AMPD3: variants seen among roughly 807,000 people sequenced by gnomAD.
AMPD3 encodes the protein adenosine monophosphate deaminase 3.
AMPD3 carries 57 observed loss-of-function variants against 82.3 expected under a neutral mutation model. That is an observed-to-expected ratio of 0.69 (90% CI 0.56 to 0.86). The LOEUF is 0.86. Among genes scored for constraint, AMPD3 ranks in the 40% least tolerant of loss-of-function variants. The pLI is 0.00. For synonymous variants in AMPD3, 381 were observed against 394.7 expected (o/e 0.97, Z 0.41); for missense variants, 870 against 1,003.8 (o/e 0.87, Z 1.80).
chr11:10,461,853 T>C (rs1464677921), intron 2 of AMPD3, 113 bp downstream of exon 2: 6 of 1,043,396 alleles, frequency 5.8e-6, no homozygotes, highest in African/African-American at 1.6e-5. Context: ...TCCCTAGAGC[T>C]GTGTTGGTTC....
chr11:10,479,402 G>T (rs1340071186), intron 3 of AMPD3, among the ~76,000 whole-genome samples: 2 of 152,150 alleles, frequency 1.3e-5, no homozygotes, highest in Admixed American at 6.5e-5. Flanking sequence ...GCCTCAGTTG[G>T]CTTCATTAGT....
Position 10,482,184 on chromosome 11 carries a change from A to G in AMPD3, c.548A>G (p.His183Arg). ...FPRITSQYLG[H>R]PRADTAPPEE... is the part of the protein sequence containing the mutation. ...CGGATCACATCCCAGTACCTGGGTC[A>G]TCCGCGGGCGGATACTGCACCTCCG... Residue 183 changes from histidine to arginine, a missense_variant, in exon 4 of 15, where the codon CAT (histidine) becomes CGT (arginine). Physicochemically the swap from His to Arg is conservative, Grantham distance 29. Coordinates refer to ENST00000396553, the MANE Select transcript of AMPD3 (RefSeq NM_001025389.2). The G allele has an allele frequency of 1.9e-6, 3 of 1,613,562 alleles. No homozygotes were observed. The highest frequency in any genetic ancestry group is 2.5e-6 in the Non-Finnish European group (3 of 1,179,962).
At chr11:10,479,121 T>C (rs1429833298) in intron 3 of AMPD3, among the ~76,000 whole-genome samples, 1 of 152,118 alleles carries the variant, frequency 6.6e-6, no homozygotes, top group Admixed American at 6.5e-5. Context: ...TGTGTGAAAT[T>C]AGTTGTTGCT....
At chr11:10,461,261 C>T in intron 1 of AMPD3, 1 of 1,398,058 alleles carries the variant, frequency 7.2e-7, no homozygotes, top group Admixed American at 2.3e-5. Context: ...GGAAGCCCAC[C>T]TAGTTGAACA....
chr11:10,483,427 A>C (rs1174955593), intron 4 of AMPD3, among the ~76,000 whole-genome samples: 1 of 152,176 alleles, frequency 6.6e-6, no homozygotes, highest in African/African-American at 2.4e-5. Flanking sequence ...TACTTTGAGC[A>C]TCTGGGGCCC....
chr11:10,470,545 T>C (rs1258462409), intron 2 of AMPD3, among the ~76,000 whole-genome samples: 2 of 152,194 alleles, frequency 1.3e-5, no homozygotes, highest in Non-Finnish European at 2.9e-5. Flanking sequence ...GTGGATGACA[T>C]GATTGTATAT....
At chr11:10,451,408 T>C (rs765981507), upstream of AMPD3, among the ~76,000 whole-genome samples, 12 of 152,354 alleles carry the variant, frequency 7.9e-5, no homozygotes, top group Non-Finnish European at 1.5e-4. Flanking sequence ...GAGGTGGACT[T>C]CTACCTGGAG....
chr11:10,461,489 A>G (rs746879134), intron 1 of AMPD3, 26 bp from the exon 2 acceptor site: 2 of 1,613,924 alleles, frequency 1.2e-6, no homozygotes, highest in Admixed American at 1.7e-5. Flanking sequence ...GCATCCTGCA[A>G]TTCATGCTTG....
chr11:10,497,625 G>C, intron 10 of AMPD3: 1 of 985,414 alleles, frequency 1.0e-6, no homozygotes, highest in Non-Finnish European at 1.2e-6. Context: ...TGTGTGCCCA[G>C]AAAGTGACTG....
intron 2 of AMPD3, among the ~76,000 whole-genome samples, chr11:10,462,934 G>A (rs547550337): frequency 6.6e-6 from 1 of 152,322 alleles, no homozygotes; most frequent in Admixed American, 6.5e-5. Flanking sequence ...AAAGGAAGAA[G>A]TGCTGTGACC....
At chr11:10,455,961 G>A in intron 1 of AMPD3, 1 of 985,430 alleles carries the variant, frequency 1.0e-6, no homozygotes, top group Non-Finnish European at 1.2e-6. Context: ...TCAGCTTTCA[G>A]GAGGAGGCTG....
chr11:10,452,171 GT>G (rs534626285), upstream of AMPD3, among the ~76,000 whole-genome samples: 1,310 of 148,606 alleles, frequency 8.8e-3, 11 homozygotes, highest in Non-Finnish European at 0.01. Flanking sequence ...GAGAGATGAG[GT>G]TTTTTGTAGT....
intron 1 of AMPD3, among the ~76,000 whole-genome samples, chr11:10,459,210 C>T (rs1010100468): frequency 6.6e-6 from 1 of 152,172 alleles, no homozygotes; most frequent in Non-Finnish European, 1.5e-5. Context: ...CCACTCCTCT[C>T]ATCAGGGAGT....
chr11:10,501,026 A>G lies in AMPD3; in HGVS notation c.1722-444A>G, dbSNP rs1170278596. ...GCAGTCCTGGGCTGAGCTTTTGGAG[A>G]TGGGGGCTCTGGTTCTGGCTTTGCT... is the stretch of plus-strand genomic sequence containing the variant. On this transcript the variant is annotated intron_variant, in intron 11 of 14. Transcript: ENST00000396553. The G allele has an allele frequency of 3.0e-6, 3 of 985,078 alleles. No homozygotes were observed. The East Asian group carries it at 3.4e-4, about 112-fold the overall frequency. 61.0% of individuals were successfully genotyped at this position (985,078 alleles called of 1,614,324 possible). A position where few individuals can be genotyped will look rare whatever the true frequency, so the allele number is the denominator to read the frequency against.
At chr11:10,458,271 A>AAAAAAAT (rs1848158094) in intron 1 of AMPD3, among the ~76,000 whole-genome samples, 2 of 110,800 alleles carry the variant, frequency 1.8e-5, no homozygotes, top group Admixed American at 9.3e-5. Flanking sequence ...AAAAAAAAAA[A>AAAAAAAT]AAAAAATTAG....
chr11:10,465,224 G>A (rs1848384676), intron 2 of AMPD3, among the ~76,000 whole-genome samples: 3 of 152,122 alleles, frequency 2.0e-5, no homozygotes, highest in Admixed American at 6.5e-5. Flanking sequence ...TGAAAAGCAG[G>A]CACAAGAATT....
rs1849350400 is a variant in AMPD3, at chr11:10,495,012, C to T, written c.1248C>T (p.Tyr416=). ...LKTENYLGGE[Y]FARMVKEVAR... ...CTGAAAACTATCTGGGAGGAGAGTA[C>T]TTTGCTCGGATGGTCAAGGTGAGTG... is the stretch of plus-strand genomic sequence containing the variant. Residue 416 remains tyrosine (Y), a synonymous_variant, in exon 8 of 15, where the codon TAC becomes TAT. Transcript: ENST00000396553. The T allele has an allele frequency of 6.2e-7, 1 of 1,614,104 alleles. No individual in the cohort carries two copies. The highest frequency in any genetic ancestry group is 1.3e-5 in the African/African-American group (1 of 74,940).
chr11:10,501,893 T>C, intron 12 of AMPD3: 1 of 983,624 alleles, frequency 1.0e-6, no homozygotes, highest in South Asian at 4.7e-5. Context: ...TTAATGTGTT[T>C]ATTATCATAA....
At chr11:10,496,150 C>T (rs1423117387) in intron 9 of AMPD3, 5 of 849,128 alleles carry the variant, frequency 5.9e-6, no homozygotes, top group East Asian at 1.2e-4. Flanking sequence ...CTCCTGACCT[C>T]GTGATCCACC....
Sources: gnomAD v4.1 joint callset for allele counts (sites outside exome capture counted in the v4.1 genomes callset) on GRCh38, gnomAD v4.1.1 for gene constraint, MANE v1.5 for transcripts, NCBI Gene and HGNC (gene_info 2026-07-23, HGNC 2026-07-21) for gene names.